Variants in USP42 observed in about 807,000 individuals in gnomAD.
The protein encoded by USP42 is ubiquitin carboxyl-terminal hydrolase 42.
Under a neutral mutation model 113.0 loss-of-function variants are expected in USP42, and 23 were observed. The observed-to-expected ratio is 0.20, with a 90% confidence interval of 0.15 to 0.29. USP42 has a LOEUF of 0.29. USP42 is among the 10% of genes least tolerant of loss of function. The pLI is 1.00. For missense variants in USP42, 2,174 were observed against 1,779.8 expected (o/e 1.22, Z -3.99); for synonymous variants, 933 against 699.0 (o/e 1.33, Z -5.28).
Position 6,154,308 on chromosome 7 carries a change from T to C in USP42, c.2754T>C (p.Pro918=), listed in dbSNP as rs1782273110. 1.3e-6 allele frequency: 2 copies of C among 1,582,240 alleles called. No individual in the cohort carries two copies. The highest frequency in any genetic ancestry group is 1.7e-6 in the Non-Finnish European group (2 of 1,164,888). ...GTCACCCGGAAGGGGACGCTGAGCC[T>C]AGCCCCGGCGAGAGGGTCGAGGACG... ...PAGHPEGDAE[P]SPGERVEDAA... Residue 918 remains proline (P), a synonymous_variant, in exon 15 of 18, where the codon CCT becomes CCC. Transcript: ENST00000306177.
Position 6,159,341 on chromosome 7 carries a change from A to G in USP42, c.3944-109A>G, listed in dbSNP as rs1782639550. On this transcript the variant is annotated intron_variant, in intron 16 of 17. Coordinates refer to ENST00000306177, the MANE Select transcript of USP42 (RefSeq NM_032172.3). This position sits in a 1 kb window ranked among gnomAD's most constrained non-coding sequence, Gnocchi z 4.1. ...CTGGGGAGTGGCCTCAGGCGCTCAC[A>G]GGGAACCGCAGTGACTCTGACCATA... The G allele has an allele frequency of 4.1e-6, 6 of 1,468,392 alleles. No individual in the cohort carries two copies. Among genetic ancestry groups the G allele is most frequent in the Non-Finnish European group, 4.7e-6 (5 of 1,062,950 alleles). 91.0% of individuals were successfully genotyped at this position (1,468,392 alleles called of 1,614,324 possible).
intron 3 of USP42, among the ~76,000 whole-genome samples, chr7:6,126,548 G>A (rs1484931239): frequency 6.6e-6 from 1 of 152,148 alleles, no homozygotes; most frequent in African/African-American, 2.4e-5. Flanking sequence ...GCCTCCCAAA[G>A]TGCTGGGATT....
chr7:6,138,487 A>G (rs1174190398), intron 4 of USP42, among the ~76,000 whole-genome samples: 1 of 152,218 alleles, frequency 6.6e-6, no homozygotes, highest in Non-Finnish European at 1.5e-5. Context: ...AGTTTATTCA[A>G]GTGTAACTTT....
Position 6,155,110 on chromosome 7 carries a change from C to A in USP42, c.3556C>A (p.Pro1186Thr). The A allele has an allele frequency of 6.4e-7, 1 of 1,559,030 alleles. No homozygotes were observed. The highest frequency in any genetic ancestry group is 8.7e-7 in the Non-Finnish European group (1 of 1,151,632). ...AGCCCGGAGGAGCGAACAGAAGGAT[C>A]CTCTAGAAGAGCCTAAAGCAAAGAA... ...KKARRSEQKD[P>T]LEEPKAKKHK... Residue 1186 changes from proline (P) to threonine (T), a missense_variant, in exon 15 of 18, where the codon CCT (proline) becomes ACT (threonine). Physicochemically the swap from Pro to Thr is conservative, Grantham distance 38. Coordinates refer to ENST00000306177, the MANE Select transcript of USP42 (RefSeq NM_032172.3).
At chr7:6,140,753 A>T (rs1781386127) in intron 6 of USP42, among the ~76,000 whole-genome samples, 161 bp from the exon 7 acceptor site, 1 of 152,234 alleles carries the variant, frequency 6.6e-6, no homozygotes, top group African/African-American at 2.4e-5. Context: ...CTTTTCACCC[A>T]TATTATGAGT....
chr7:6,155,875 C>G (rs1243513781), intron 15 of USP42, among the ~76,000 whole-genome samples: 1 of 152,106 alleles, frequency 6.6e-6, no homozygotes, highest in Non-Finnish European at 1.5e-5. Context: ...CTTCAGCCCT[C>G]AGCCTCTGGA....
In USP42 at chr7:6,111,324, C is replaced by G. The variant is rs201800019; in HGVS notation, c.191C>G (p.Ser64Trp). The G allele has an allele frequency of 6.2e-7, 1 of 1,609,968 alleles. No homozygotes were observed. The highest frequency in any genetic ancestry group is 1.7e-5 in the Admixed American group (1 of 59,210). ...CCAGTACCTGGTGCTGTAGTTTATT[C>G]GAGTTCATCTGTACCTGATAAATCA... is the stretch of plus-strand genomic sequence containing the variant. The part of the protein sequence containing the change: ...LGPVPGAVVY[S>W]SSSVPDKSKP... The change falls in exon 2 of 18, where the codon TCG (serine) becomes TGG (tryptophan). Residue 64 changes from serine to tryptophan, a missense_variant. Ser to Trp is a radical substitution (Grantham distance 177). Coordinates refer to ENST00000306177, the MANE Select transcript of USP42 (RefSeq NM_032172.3).
the USP42 span, among the ~76,000 whole-genome samples, chr7:6,085,482 C>T: frequency 7.6e-3 from 1,138 of 149,830 alleles, 79 homozygotes; most frequent in African/African-American, 0.028. Flanking sequence ...AATCTTCCTC[C>T]TAGTGTTGCA....
At chr7:6,133,282 A>G (rs753224069) in intron 3 of USP42, among the ~76,000 whole-genome samples, 4 of 152,174 alleles carry the variant, frequency 2.6e-5, no homozygotes, top group Non-Finnish European at 4.4e-5. Context: ...TATTTCTTGA[A>G]ATATTTATGC....
intron 2 of USP42, 78 bp downstream of exon 2, chr7:6,111,452 G>C: frequency 6.5e-7 from 1 of 1,536,806 alleles, no homozygotes; most frequent in South Asian, 1.2e-5. Context: ...TTTCAGAGAG[G>C]GGCTTATTTT....
intron 4 of USP42, among the ~76,000 whole-genome samples, chr7:6,136,672 C>G (rs546704128): frequency 7.9e-5 from 12 of 152,180 alleles, no homozygotes; most frequent in African/African-American, 2.9e-4. Flanking sequence ...CTTTACTATA[C>G]GCAGTGACAG....
chr7:6,083,772 A>G, the USP42 span, among the ~76,000 whole-genome samples: 60 of 150,778 alleles, frequency 4.0e-4, 1 homozygote, highest in South Asian at 8.3e-4. Flanking sequence ...GGAACTCTCC[A>G]TCTTAGGGCA....
the USP42 span, chr7:6,084,677 CTT>C: frequency 6.6e-6 from 1 of 150,888 alleles, no homozygotes; most frequent in Non-Finnish European, 1.5e-5. Context: ...TCTCAGGTCT[CTT>C]TTACGCCCTG....
At chr7:6,105,361 C>T (rs1200815796) in intron 1 of USP42, among the ~76,000 whole-genome samples, 3 of 148,934 alleles carry the variant, frequency 2.0e-5, no homozygotes, top group Non-Finnish European at 4.5e-5. Flanking sequence ...CCACCCGGCC[C>T]CAGCCCGCCC....
In USP42 at chr7:6,138,825, A is replaced by G. The variant is rs1053603755; in HGVS notation, c.554-267A>G. Among the ~76,000 whole-genome samples the G allele has an allele frequency of 1.7e-4, 26 of 152,136 alleles. 1 individual carries two copies. The highest frequency in any genetic ancestry group is 3.6e-4 in the African/African-American group (15 of 41,438). ...ATGCCTGATGATCTGAGCTGGAACA[A>G]TTTCATCCCAACCCCCTCTTCTGGT... On this transcript the variant is annotated intron_variant, in intron 4 of 17. Coordinates refer to ENST00000306177, the MANE Select transcript of USP42 (RefSeq NM_032172.3).
At chr7:6,141,427 C>T (rs1781425986) in intron 7 of USP42, among the ~76,000 whole-genome samples, 1 of 152,036 alleles carries the variant, frequency 6.6e-6, no homozygotes. Flanking sequence ...TGGTCTTGAA[C>T]TCTTGACCTC....
chr7:6,109,586 G>A (rs1441229813), intron 1 of USP42, among the ~76,000 whole-genome samples: 1 of 151,704 alleles, frequency 6.6e-6, no homozygotes, highest in Non-Finnish European at 1.5e-5. Context: ...TAGAGATGGG[G>A]TTTCCCCATG....
intron 12 of USP42, 25 bp from the exon 13 acceptor site, chr7:6,149,558 C>G (rs773365295): frequency 6.3e-7 from 1 of 1,593,178 alleles, no homozygotes; most frequent in Non-Finnish European, 8.6e-7. Flanking sequence ...GGAGCTCTGA[C>G]CAGGTGCGCT....
At position 6,157,407 on chromosome 7, in the gene USP42, T is replaced by A; in HGVS notation, c.3943+352T>A. On this transcript the variant is annotated intron_variant, in intron 16 of 17. Coordinates refer to ENST00000306177, the MANE Select transcript of USP42 (RefSeq NM_032172.3). The surrounding 1 kb of genome is among the most constrained non-coding windows in gnomAD (Gnocchi z 4.1). ...TTATTTTATTTTATTTTATTTATTT[T>A]ATTTTTTGAGACGGAGTCTTGCTCT... 1 of 981,662 alleles carries A rather than the reference T, an allele frequency of 1.0e-6. No individual in the cohort carries two copies. The highest frequency in any genetic ancestry group is 1.7e-5 in the African/African-American group (1 of 57,372). The allele number at this position is 981,662 out of a possible 1,614,324, so 60.8% of individuals were successfully genotyped here.
Sources: gnomAD v4.1 joint callset for allele counts (sites outside exome capture counted in the v4.1 genomes callset) on GRCh38, gnomAD v4.1.1 for gene constraint, Gnocchi (gnomAD v3.1) non-coding constraint, MANE v1.5 for transcripts, NCBI Gene and HGNC (gene_info 2026-07-23, HGNC 2026-07-21) for gene names.